Variants in ASPA observed in about 807,000 individuals in gnomAD.
ASPA encodes the protein aspartoacylase.
ASPA carries 25 observed loss-of-function variants against 29.6 expected under a neutral mutation model. The ratio of observed to expected loss-of-function variants is 0.85; its 90% CI spans 0.62 to 1.18. The LOEUF (loss-of-function observed/expected upper bound fraction) is 1.18, where lower values mean the gene tolerates loss of function less well. ASPA is among the 50% of genes most tolerant of loss of function. ASPA has a pLI of 0.00. For synonymous variants in ASPA, 131 were observed against 130.3 expected (o/e 1.01, Z -0.04); for missense variants, 333 against 385.7 (o/e 0.86, Z 1.14).
chr17:3,480,251 C>G (rs1446886855), intron 1 of ASPA, among the ~76,000 whole-genome samples: 1 of 152,162 alleles, frequency 6.6e-6, no homozygotes, highest in African/African-American at 2.4e-5. Flanking sequence ...TTTATCAAGA[C>G]AAGGGAACTG....
intron 2 of ASPA, among the ~76,000 whole-genome samples, chr17:3,482,056 G>T (rs2073640887): frequency 6.6e-6 from 1 of 152,132 alleles, no homozygotes; most frequent in Non-Finnish European, 1.5e-5. Flanking sequence ...GTGGATTCTT[G>T]TGTCTATAAA....
chr17:3,489,473 C>T (rs2073785403), intron 4 of ASPA, 131 bp downstream of exon 4: 1 of 716,292 alleles, frequency 1.4e-6, no homozygotes, highest in South Asian at 1.7e-5. Flanking sequence ...TTCAGCTATT[C>T]CCCAATGGCC....
At position 3,477,162 on chromosome 17, in the gene ASPA, T is replaced by A. The variant is rs545913563; in HGVS notation, c.236+767T>A. On this transcript the variant is annotated intron_variant, in intron 1 of 5. Transcript: ENST00000263080. Reference sequence around the variant, plus strand: ...AGAGCAAGACTCCGTCTCAAAAAAATAAATAAATAAATAAAAATAAAGACA... The same window carrying A: ...AGAGCAAGACTCCGTCTCAAAAAAAAAAATAAATAAATAAAAATAAAGACA... Among the ~76,000 whole-genome samples, 751 of 151,636 alleles carry A rather than the reference T, an allele frequency of 5.0e-3. 4 individuals carry two copies. Among genetic ancestry groups the A allele is most frequent in the African/African-American group, 0.012 (508 of 41,322 alleles).
At position 3,489,343 on chromosome 17, in the gene ASPA, G is replaced by T. The variant is rs753871454; in HGVS notation, c.634+1G>T. ...GATTTTATACATCATTTCAATGAAG[G>T]TAAGTAATAATGAAGGTAACGTTAT... On this transcript the variant is annotated splice_donor_variant, in intron 4 of 5. Transcript: ENST00000263080. LOFTEE classifies it high-confidence loss of function. 7 of 1,589,510 alleles carry T rather than the reference G, an allele frequency of 4.4e-6. No individual in the cohort carries two copies. The highest frequency in any genetic ancestry group is 2.2e-5 in the South Asian group (2 of 90,498).
intron 2 of ASPA, among the ~76,000 whole-genome samples, chr17:3,483,092 C>T (rs972033167): frequency 1.3e-4 from 19 of 151,874 alleles, no homozygotes; most frequent in African/African-American, 4.6e-4. Flanking sequence ...GGGGAATCAC[C>T]CAACATCTGT....
chr17:3,483,187 A>T (rs1375405084), intron 2 of ASPA, among the ~76,000 whole-genome samples: 3 of 152,138 alleles, frequency 2.0e-5, no homozygotes, highest in Admixed American at 6.5e-5. Flanking sequence ...GTGATGAAAC[A>T]AAAATCACCA....
chr17:3,477,682 G>C (rs1048529904), intron 1 of ASPA, among the ~76,000 whole-genome samples: 1 of 152,044 alleles, frequency 6.6e-6, no homozygotes, highest in Non-Finnish European at 1.5e-5. Context: ...TCAAACTCCT[G>C]GCCTCAGGTG....
rs2150741595 is a variant in ASPA at position 3,476,128 on chromosome 17, T to C, written c.-32T>C. 2 of 1,583,028 alleles carry C rather than the reference T, an allele frequency of 1.3e-6. No homozygotes were observed. The highest frequency in any genetic ancestry group is 1.7e-6 in the Non-Finnish European group (2 of 1,152,888). ...AATTTCCTTTGATCTCTCTTCTGAA[T>C]TGCAGAAATCAGATAAAAACTACTT... On this transcript the variant is annotated 5_prime_UTR_variant, in exon 1 of 6. Transcript: ENST00000263080.
intron 3 of ASPA, among the ~76,000 whole-genome samples, chr17:3,487,677 A>G (rs942679954): frequency 9.9e-5 from 15 of 152,214 alleles, no homozygotes; most frequent in African/African-American, 3.6e-4. Flanking sequence ...TTTGTGCATA[A>G]TAAAGATTCC....
At chr17:3,492,651 C>T (rs771401077) in intron 4 of ASPA, among the ~76,000 whole-genome samples, 3 of 152,166 alleles carry the variant, frequency 2.0e-5, no homozygotes, top group South Asian at 2.1e-4. Context: ...AAACCCTGTA[C>T]GTGTACCATT....
rs541562683 is a variant in ASPA, at chr17:3,497,019, T to C, written c.745-1872T>C. Among the ~76,000 whole-genome samples the C allele has an allele frequency of 2.2e-4, 34 of 152,296 alleles. 1 individual carries two copies. Among genetic ancestry groups the C allele is most frequent in the African/African-American group, 7.9e-4 (33 of 41,560 alleles). ...AGGTGAAGGTTGCAGTGAGCTGAGA[T>C]TGTGCCACTGCACTCCAGCCTGGAC... On this transcript the variant is annotated intron_variant, in intron 5 of 5. Transcript: ENST00000263080.
At chr17:3,492,525 T>C (rs531560298) in intron 4 of ASPA, among the ~76,000 whole-genome samples, 51 of 152,304 alleles carry the variant, frequency 3.3e-4, no homozygotes, top group African/African-American at 1.2e-3. Context: ...TGTTCAGAGA[T>C]AGAGTCTATT....
intron 4 of ASPA, among the ~76,000 whole-genome samples, chr17:3,493,601 G>A (rs564224662): frequency 2.1e-5 from 3 of 145,862 alleles, no homozygotes; most frequent in East Asian, 4.0e-4. Flanking sequence ...AAAAGAGCAC[G>A]ATACTGAAGT....
rs1187737411 is a variant in ASPA at position 3,485,843 on chromosome 17, C to T, written c.526+2251C>T. On this transcript the variant is annotated intron_variant, in intron 3 of 5. Coordinates refer to ENST00000263080, the MANE Select transcript of ASPA (RefSeq NM_000049.4). The surrounding 1 kb of genome is among the most constrained non-coding windows in gnomAD (Gnocchi z 4.4). ...TAATAGCAGAGTGTCAGCATTTCTG[C>T]ACCATTACCCAAGCTCCAGTTCCCA... Among the ~76,000 whole-genome samples, 1 of 152,076 alleles carries T rather than the reference C, an allele frequency of 6.6e-6. No homozygotes were observed. Among genetic ancestry groups the T allele is most frequent in the African/African-American group, 2.4e-5 (1 of 41,418 alleles).
intron 1 of ASPA, among the ~76,000 whole-genome samples, chr17:3,477,515 G>A (rs1363844118): frequency 1.3e-5 from 2 of 152,038 alleles, no homozygotes; most frequent in Non-Finnish European, 2.9e-5. Context: ...GTGCAATGGT[G>A]CAATCTCAGC....
Position 3,502,668 on chromosome 17 carries a change from C to G in ASPA, c.*3580C>G, listed in dbSNP as rs2074004898. On this transcript the variant is annotated 3_prime_UTR_variant, in exon 6 of 6. Transcript: ENST00000263080. The stretch of plus-strand genomic sequence containing the variant: ...ACAAACAGTAACCCACACAGCATTG[C>G]TACTGTGGCATGCCCACTGCTCTGC... 2 of 152,236 alleles carry G rather than the reference C, an allele frequency of 1.3e-5. No individual in the cohort carries two copies. The highest frequency in any genetic ancestry group is 4.8e-5 in the African/African-American group (2 of 41,456). 9.4% of individuals were successfully genotyped at this position (152,236 alleles called of 1,614,324 possible). A position where few individuals can be genotyped will look rare whatever the true frequency, so the allele number is the denominator to read the frequency against.
At chr17:3,487,163 TC>T (rs1272593073) in intron 3 of ASPA, among the ~76,000 whole-genome samples, 2 of 152,088 alleles carry the variant, frequency 1.3e-5, no homozygotes, top group Non-Finnish European at 2.9e-5. Flanking sequence ...CATTTCTTCT[TC>T]CTTGAGAACA....
rs1414684396 is a variant in ASPA, at chr17:3,499,003, C to T, written c.857C>T (p.Ala286Val). 1 of 1,614,142 alleles carries T rather than the reference C, an allele frequency of 6.2e-7. No homozygotes were observed. Among genetic ancestry groups the T allele is most frequent in the Non-Finnish European group, 8.5e-7 (1 of 1,180,016 alleles). The stretch of plus-strand genomic sequence containing the variant: ...GTGTACCCCGTGTTTGTGAATGAGG[C>T]CGCATATTACGAAAAGAAAGAAGCT... Reference protein sequence around the residue: ...CTVYPVFVNEAAYYEKKEAFA... With the variant: ...CTVYPVFVNEVAYYEKKEAFA... Residue 286 changes from alanine to valine, a missense_variant, in exon 6 of 6, where the codon GCC becomes GTC. Transcript: ENST00000263080.
Position 3,485,513 on chromosome 17 carries a change from C to CA in ASPA, c.526+1928dup, listed in dbSNP as rs1465169846. Among the ~76,000 whole-genome samples, 1 of 152,062 alleles carries CA rather than the reference C, an allele frequency of 6.6e-6. No homozygotes were observed. The highest frequency in any genetic ancestry group is 1.5e-5 in the Non-Finnish European group (1 of 68,006). On this transcript the variant is annotated intron_variant, in intron 3 of 5. Transcript: ENST00000263080. The surrounding 1 kb of genome is among the most constrained non-coding windows in gnomAD (Gnocchi z 4.4). ...GGGCAACAAAAGTGAAACTCCGTCTCAAAAAAACAAACAAACAAAAATACT... is the reference window on the plus strand; with the variant it reads ...GGGCAACAAAAGTGAAACTCCGTCTCAAAAAAAACAAACAAACAAAAATACT...
Sources: allele counts gnomAD v4.1 joint callset (sites outside exome capture counted in the v4.1 genomes callset), GRCh38; gene constraint gnomAD v4.1.1; non-coding constraint Gnocchi (gnomAD v3.1); transcripts MANE v1.5; gene names NCBI Gene and HGNC (gene_info 2026-07-23, HGNC 2026-07-21).